The following KY variants were observed in gnomAD, a reference collection of about 807,000 sequenced individuals.
The protein encoded by KY is kyphoscoliosis peptidase.
A neutral mutation model predicts 76.1 loss-of-function variants in KY; 43 were observed. That is an observed-to-expected ratio of 0.57 (90% CI 0.44 to 0.73). KY has a LOEUF of 0.73. Among genes scored for constraint, KY ranks in the 30% least tolerant of loss-of-function variants. KY has a pLI of 0.00. For synonymous variants in KY, 277 were observed against 326.2 expected (o/e 0.85, Z 1.63); for missense variants, 722 against 828.9 (o/e 0.87, Z 1.58).
At chr3:134,619,110 G>A in intron 8 of KY, 38 bp downstream of exon 8, 1 of 1,511,268 alleles carries the variant, frequency 6.6e-7, no homozygotes, top group South Asian at 1.1e-5. Context: ...GAGAGGGATG[G>A]GTCCGGTGGT....
intron 3 of KY, among the ~76,000 whole-genome samples, chr3:134,641,860 G>T (rs1965804455): frequency 6.6e-6 from 1 of 152,182 alleles, no homozygotes. Flanking sequence ...AAGGACAGGG[G>T]CCTTTGTCTG....
chr3:134,606,306 G>A (rs1168083128), intron 10 of KY, among the ~76,000 whole-genome samples: 2 of 152,118 alleles, frequency 1.3e-5, no homozygotes, highest in African/African-American at 2.4e-5. Flanking sequence ...CTGGGCTCAC[G>A]GCAGAGCCCT....
rs1338863613 is a variant in KY at position 134,604,007 on chromosome 3, GCTT to G, written c.1555_1557del (p.Lys519del). The G allele has an allele frequency of 6.2e-7, 1 of 1,613,942 alleles. No homozygotes were observed. Among genetic ancestry groups the G allele is most frequent in the East Asian group, 2.2e-5 (1 of 44,884 alleles). On this transcript the variant is annotated inframe_deletion, in exon 11 of 11. Coordinates refer to ENST00000423778, the MANE Select transcript of KY (RefSeq NM_178554.6). The stretch of plus-strand genomic sequence containing the variant: ...GGCAGCTGGACTTTCAGCTCGGTCT[GCTT>G]CTCCCGGTGCAGCTGGAAGATGTAG...
intron 6 of KY, among the ~76,000 whole-genome samples, chr3:134,623,894 C>T (rs1328802707): frequency 6.6e-6 from 1 of 152,152 alleles, no homozygotes; most frequent in African/African-American, 2.4e-5. Context: ...TGGCTCCAGG[C>T]CCTATGGGCT....
intron 5 of KY, 98 bp downstream of exon 5, chr3:134,627,658 C>T (rs1963640975): frequency 1.9e-6 from 2 of 1,077,084 alleles, no homozygotes; most frequent in Non-Finnish European, 2.8e-6. Flanking sequence ...AGCCTCTCAG[C>T]ATAGTGGCCC....
At chr3:134,622,196 C>A (rs1962737074) in intron 6 of KY, among the ~76,000 whole-genome samples, 1 of 152,134 alleles carries the variant, frequency 6.6e-6, no homozygotes, top group Non-Finnish European at 1.5e-5. Context: ...TATGATCTAG[C>A]AATTTCAGTC....
intron 8 of KY, chr3:134,612,946 G>A (rs1054717332): frequency 6.6e-6 from 1 of 152,476 alleles, no homozygotes; most frequent in Non-Finnish European, 1.5e-5. Flanking sequence ...TAATGATTAT[G>A]TGTTACTTTG....
At chr3:134,631,469 T>C (rs565655674) in intron 3 of KY, among the ~76,000 whole-genome samples, 44 of 152,232 alleles carry the variant, frequency 2.9e-4, no homozygotes, top group African/African-American at 1.1e-3. Context: ...TAGATAAATA[T>C]ATTAGTCTGC....
At chr3:134,609,343 C>A (rs1228366597) in intron 9 of KY, among the ~76,000 whole-genome samples, 2 of 152,068 alleles carry the variant, frequency 1.3e-5, no homozygotes, top group African/African-American at 4.8e-5. Context: ...AACAGAGAGG[C>A]CCTTCCTGAG....
chr3:134,640,523 A>G (rs565892291), intron 3 of KY, among the ~76,000 whole-genome samples: 7 of 152,242 alleles, frequency 4.6e-5, no homozygotes, highest in Admixed American at 1.3e-4. Context: ...GGTCAACGCT[A>G]TTACTGTGAT....
At chr3:134,637,828 G>A (rs1965178658) in intron 3 of KY, among the ~76,000 whole-genome samples, 1 of 152,244 alleles carries the variant, frequency 6.6e-6, no homozygotes, top group South Asian at 2.1e-4. Context: ...TTGTGAAAGA[G>A]TGATCAAGGT....
At chr3:134,615,145 G>A (rs1351933316) in intron 8 of KY, 2 of 152,040 alleles carry the variant, frequency 1.3e-5, no homozygotes, top group African/African-American at 2.4e-5. Flanking sequence ...TTACAGCTAC[G>A]TCAATAACTA....
chr3:134,623,917 G>A (rs1280501274), intron 6 of KY, among the ~76,000 whole-genome samples: 10 of 152,086 alleles, frequency 6.6e-5, no homozygotes, highest in Non-Finnish European at 1.5e-5. Context: ...CTCCACCCCT[G>A]CAATATGATG....
In KY at chr3:134,608,680, A is replaced by C; in HGVS notation, c.1059T>G (p.Ser353Arg). 1.2e-6 allele frequency: 2 copies of C among 1,614,026 alleles called. No individual in the cohort carries two copies. The highest frequency in any genetic ancestry group is 1.7e-6 in the Non-Finnish European group (2 of 1,179,896). ...KSEFYNKGML[S>R]AHPETSMIRT... ...TGATCATGGAAGTCTCTGGGTGGGC[A>C]CTCAGCATCCCTTTGTTGTAGAATT... The change falls in exon 10 of 11, where the codon AGT (serine) becomes AGG (arginine). Residue 353 changes from serine to arginine, a missense_variant. Ser to Arg is a moderately radical substitution (Grantham distance 110, BLOSUM62 -1). Coordinates refer to ENST00000423778, the MANE Select transcript of KY (RefSeq NM_178554.6).
At chr3:134,612,614 G>A (rs894239226) in intron 8 of KY, among the ~76,000 whole-genome samples, 7 of 152,100 alleles carry the variant, frequency 4.6e-5, no homozygotes, top group African/African-American at 1.7e-4. Context: ...TAGGAGGTGG[G>A]GCCCCATCTA....
At chr3:134,650,723 C>T (rs903663618) in intron 1 of KY, 102 bp downstream of exon 1, 1 of 1,147,076 alleles carries the variant, frequency 8.7e-7, no homozygotes, top group Non-Finnish European at 1.2e-6. Context: ...GGTTCGCTGA[C>T]CTCGTTCGGG....
chr3:134,637,092 A>T (rs768431016), intron 3 of KY, among the ~76,000 whole-genome samples: 1 of 152,250 alleles, frequency 6.6e-6, no homozygotes, highest in African/African-American at 2.4e-5. Context: ...AAAAGATACA[A>T]TGTGGCCTCT....
chr3:134,604,501 G>C, intron 10 of KY, 27 bp from the exon 11 acceptor site: 1 of 1,581,940 alleles, frequency 6.3e-7, no homozygotes, highest in African/African-American at 1.3e-5. Context: ...AGGGTCAGCA[G>C]AGATGGGTCC....
intron 1 of KY, 102 bp from the exon 2 acceptor site, chr3:134,647,599 C>A: frequency 3.0e-6 from 2 of 672,506 alleles, no homozygotes; most frequent in Admixed American, 6.0e-5. Context: ...TGGATCTTGG[C>A]TCTCTTGGAA....
Sources: allele counts gnomAD v4.1 joint callset (sites outside exome capture counted in the v4.1 genomes callset), GRCh38; gene constraint gnomAD v4.1.1; transcripts MANE v1.5; gene names NCBI Gene and HGNC (gene_info 2026-07-23, HGNC 2026-07-21).